Variants in RGS12 observed in about 807,000 individuals in gnomAD.
RGS12 encodes the protein regulator of G protein signaling 12.
RGS12 carries 66 observed loss-of-function variants against 120.1 expected under a neutral mutation model. The ratio of observed to expected loss-of-function variants is 0.55; its 90% confidence interval spans 0.45 to 0.67. The LOEUF is 0.67. Ranked by LOEUF, RGS12 falls within the 30% of genes least tolerant of loss-of-function variation. The pLI is 0.00. For synonymous variants in RGS12, 827 were observed against 804.7 expected, an observed-to-expected ratio of 1.03 and a Z score of -0.47; for missense variants, 1,859 against 1,957.7, an observed-to-expected ratio of 0.95 and a Z score of 0.95.
At chr4:3,351,420 G>A (rs550850637) in intron 3 of RGS12, among the ~76,000 whole-genome samples, 14 of 151,750 alleles carry the variant, frequency 9.2e-5, no homozygotes, top group Non-Finnish European at 1.8e-4. Context: ...TTAGAATATC[G>A]ATTTTTCAAT....
At position 3,301,909 on chromosome 4, in the gene RGS12, A is replaced by G. The variant is rs74759180; in HGVS notation, c.-102+8810A>G. On this transcript the variant is annotated intron_variant, in intron 1 of 17. Transcript: ENST00000336727. ...CTCCAGGGCTAGACTTGCCAGGTAC[A>G]GTGTTGCCGCACAGCATTTGGGGCG... Among the ~76,000 whole-genome samples, 62 of 152,186 alleles carry G rather than the reference A, an allele frequency of 4.1e-4. 1 individual carries two copies. In the East Asian group the frequency reaches 0.011, roughly 27 times the overall value.
intron 3 of RGS12, among the ~76,000 whole-genome samples, chr4:3,380,009 T>C (rs2108936760): frequency 6.6e-6 from 1 of 152,332 alleles, no homozygotes; most frequent in Admixed American, 6.5e-5. Context: ...CAAAGTCTTA[T>C]CTGAGACAAG....
chr4:3,399,537 G>T (rs919625722), intron 4 of RGS12, among the ~76,000 whole-genome samples: 2 of 152,178 alleles, frequency 1.3e-5, no homozygotes, highest in Non-Finnish European at 2.9e-5. Context: ...AGACTAAGAA[G>T]TAACACTATA....
At chr4:3,422,267 G>T in intron 10 of RGS12, 109 bp from the exon 11 acceptor site, 1 of 1,111,964 alleles carries the variant, frequency 9.0e-7, no homozygotes. Context: ...GTGGCAGGGC[G>T]CCAGCCTCCC....
intron 3 of RGS12, among the ~76,000 whole-genome samples, chr4:3,368,478 TG>T (rs1264271712): frequency 8.4e-6 from 1 of 119,050 alleles, no homozygotes. Context: ...TGGGGGTGCC[TG>T]TGTGTGAGGT....
intron 1 of RGS12, among the ~76,000 whole-genome samples, chr4:3,304,749 T>A (rs1723879226): frequency 6.6e-6 from 1 of 152,238 alleles, no homozygotes; most frequent in South Asian, 2.1e-4. Context: ...ACTACCTGCT[T>A]TACATTGCCA....
chr4:3,365,377 GGAGGGAGGGAGGACAGGTCTT>G lies in RGS12; in HGVS notation c.1999-21025_1999-21005del, dbSNP rs1223990415. ...GGAGGGAGGAGGGAGACAGGTGAGA[GGAGGGAGGGAGGACAGGTCTT>G]GAGGGAGGGAGGAGGGAGGGAGGTG... On this transcript the variant is annotated intron_variant, in intron 3 of 17. Coordinates refer to ENST00000336727, the MANE Select transcript of RGS12 (RefSeq NM_001394154.1). The surrounding 1 kb of genome is among the most constrained non-coding windows in gnomAD (Gnocchi z 4.0). Among the ~76,000 whole-genome samples, 1 of 152,062 alleles carries G rather than the reference GGAGGGAGGGAGGACAGGTCTT, an allele frequency of 6.6e-6. No individual in the cohort carries two copies.
chr4:3,386,965 A>T (rs758751909), intron 4 of RGS12, among the ~76,000 whole-genome samples: 3 of 152,224 alleles, frequency 2.0e-5, no homozygotes, highest in Non-Finnish European at 4.4e-5. Flanking sequence ...GGACTGATTG[A>T]AAAGGAAGTA....
Position 3,425,606 on chromosome 4 carries a change from A to AGTGCAGGGGAGGGGGCTATGGAGCCG in RGS12, c.3331+62_3331+87dup. 12 of 1,169,336 alleles carry AGTGCAGGGGAGGGGGCTATGGAGCCG rather than the reference A, an allele frequency of 1.0e-5. No individual in the cohort carries two copies. The South Asian group carries it at 1.5e-4, about 14-fold the overall frequency. The allele number at this position is 1,169,336 out of a possible 1,614,324, so 72.4% of individuals were successfully genotyped here. A position where few individuals can be genotyped will look rare whatever the true frequency, so the allele number is the denominator to read the frequency against. On this transcript the variant is annotated intron_variant, in intron 14 of 17. Transcript: ENST00000336727. ...GGATGGGGAGAGGGTGAGTGGGTCCAGTGCAGGGGAGGGGGCTATGGAGCC... is the reference window on the plus strand; with the variant it reads ...GGATGGGGAGAGGGTGAGTGGGTCCAGTGCAGGGGAGGGGGCTATGGAGCCGGTGCAGGGGAGGGGGCTATGGAGCC...
Position 3,422,501 on chromosome 4 carries a change from G to C in RGS12, c.2964G>C (p.Leu988=). ...VKAGFSIKDI[L]SGLCERHGIN... ...CGGGCTTCTCCATCAAAGACATCCTGTCCGGACTCTGTGAGCGGCATGGCA... is the reference window on the plus strand; with the variant it reads ...CGGGCTTCTCCATCAAAGACATCCTCTCCGGACTCTGTGAGCGGCATGGCA... Residue 988 remains leucine, a synonymous_variant, in exon 11 of 18, where the codon CTG becomes CTC. Coordinates refer to ENST00000336727, the MANE Select transcript of RGS12 (RefSeq NM_001394154.1). The C allele has an allele frequency of 6.2e-7, 1 of 1,613,004 alleles. No individual in the cohort carries two copies. Among genetic ancestry groups the C allele is most frequent in the Non-Finnish European group, 8.5e-7 (1 of 1,179,980 alleles).
chr4:3,439,264 G>A (rs1032284603), intron 17 of RGS12, among the ~76,000 whole-genome samples, 191 bp from the exon 18 acceptor site: 2 of 152,150 alleles, frequency 1.3e-5, no homozygotes, highest in Non-Finnish European at 2.9e-5. Context: ...TGGGAACACT[G>A]CACCTCCCCT....
At chr4:3,367,823 C>G (rs1716485234) in intron 3 of RGS12, among the ~76,000 whole-genome samples, 1 of 152,208 alleles carries the variant, frequency 6.6e-6, no homozygotes, top group African/African-American at 2.4e-5. Flanking sequence ...TAGAGAGAGA[C>G]AGGAGAACCC....
rs984935567 is a variant in RGS12, at chr4:3,354,772, T to G, written c.1998+11719T>G. ...GCACGTAAAGGAGAGTTCACAGCTT[T>G]CAGTGTATACATTAGAAGGAAAATA... is the stretch of plus-strand genomic sequence containing the variant. On this transcript the variant is annotated intron_variant, in intron 3 of 17. Coordinates refer to ENST00000336727, the MANE Select transcript of RGS12 (RefSeq NM_001394154.1). 6.6e-5 allele frequency among the ~76,000 whole-genome samples: 10 copies of G among 152,322 alleles called. No individual in the cohort carries two copies. In the East Asian group the frequency reaches 1.3e-3, roughly 21 times the overall value.
rs1207476489 is a variant in RGS12, at chr4:3,417,045, A to G, written c.2560A>G (p.Lys854Glu). ...GCAGGTCCCCAGCAGCCCGGCTTCC[A>G]AGCACAGCCTCGGTTCAGACCACTC... ...SQQVPSSPAS[K>E]HSLGSDHSSV... is the part of the protein sequence containing the mutation. Residue 854 changes from lysine to glutamate, a missense_variant, in exon 8 of 18, where the codon AAG (lysine) becomes GAG (glutamate). By Grantham distance (56) the Lys-to-Glu change is moderately conservative (BLOSUM62 1). This residue lies in a region of RGS12 where 375 missense variants were observed against 475.0 expected (regional missense o/e 0.79). Coordinates refer to ENST00000336727, the MANE Select transcript of RGS12 (RefSeq NM_001394154.1). The G allele has an allele frequency of 1.9e-6, 3 of 1,612,924 alleles. No individual in the cohort carries two copies.
At position 3,366,531 on chromosome 4, in the gene RGS12, G is replaced by A. The variant is rs914792763; in HGVS notation, c.1999-19885G>A. On this transcript the variant is annotated intron_variant, in intron 3 of 17. Coordinates refer to ENST00000336727, the MANE Select transcript of RGS12 (RefSeq NM_001394154.1). The surrounding 1 kb of genome is among the most constrained non-coding windows in gnomAD (Gnocchi z 4.0). Reference sequence around the variant, plus strand: ...CTCCTAGCTGAGAGTGAGGTGGTCCGGCCCCGTGAAGGAGGCAGCAGGGCT... The same window carrying A: ...CTCCTAGCTGAGAGTGAGGTGGTCCAGCCCCGTGAAGGAGGCAGCAGGGCT... 2.6e-5 allele frequency among the ~76,000 whole-genome samples: 4 copies of A among 152,134 alleles called. No individual in the cohort carries two copies. Among genetic ancestry groups the A allele is most frequent in the South Asian group, 2.1e-4 (1 of 4,828 alleles).
chr4:3,394,257 G>A (rs1719828803), intron 4 of RGS12, among the ~76,000 whole-genome samples: 1 of 152,066 alleles, frequency 6.6e-6, no homozygotes, highest in Admixed American at 6.5e-5. Context: ...CTGCCTCTTG[G>A]GTTCAAGTGA....
chr4:3,338,960 T>C (rs1332453329), intron 2 of RGS12, among the ~76,000 whole-genome samples: 3 of 152,234 alleles, frequency 2.0e-5, no homozygotes, highest in African/African-American at 7.2e-5. Flanking sequence ...TAAACGCTGG[T>C]CTCTCCCTGC....
chr4:3,430,919 T>C lies in RGS12; in HGVS notation c.4078T>C (p.Ser1360Pro). 6.2e-7 allele frequency: 1 copy of C among 1,612,732 alleles called. No individual in the cohort carries two copies. Among genetic ancestry groups the C allele is most frequent in the Non-Finnish European group, 8.5e-7 (1 of 1,179,928 alleles). Residue 1360 changes from serine to proline, a missense_variant, in exon 17 of 18, where the codon TCC (serine) becomes CCC (proline). Around this residue, in one of 3 missense-constraint regions of RGS12, gnomAD observed 517 missense variants for 488.5 expected, o/e 1.06. Transcript: ENST00000336727. ...CAACAGCACCTTGCTGCCGCCGCCC[T>C]CCACCCCCCAGGAAGTGCCAGGACC... is the stretch of plus-strand genomic sequence containing the variant. ...SPNSTLLPPP[S>P]TPQEVPGPSR...
At chr4:3,351,005 A>G (rs1714304328) in intron 3 of RGS12, among the ~76,000 whole-genome samples, 1 of 151,924 alleles carries the variant, frequency 6.6e-6, no homozygotes, top group African/African-American at 2.4e-5. Context: ...TATATTTTTG[A>G]CAAAACGGAA....
Sources: gnomAD v4.1 joint callset for allele counts (sites outside exome capture counted in the v4.1 genomes callset) on GRCh38, gnomAD v4.1.1 for gene constraint, gnomAD v4.1.1 regional missense constraint, Gnocchi (gnomAD v3.1) non-coding constraint, MANE v1.5 for transcripts, NCBI Gene and HGNC (gene_info 2026-07-23, HGNC 2026-07-21) for gene names.